Variants in SCARA5 observed in about 807,000 individuals in gnomAD.
SCARA5 encodes the protein scavenger receptor class A, member 5 (putative).
In SCARA5, 45 loss-of-function variants were observed where a neutral mutation model predicts 46.3. That is an observed-to-expected ratio of 0.97 (90% confidence interval 0.76 to 1.24). The LOEUF (loss-of-function observed/expected upper bound fraction) is 1.24. SCARA5 is among the 50% of genes most tolerant of loss of function. SCARA5 has a pLI of 0.00. For synonymous variants in SCARA5, 333 were observed against 306.5 expected (o/e 1.09, Z -0.90); for missense variants, 680 against 689.0 (o/e 0.99, Z 0.15).
At chr8:27,921,266 T>C (rs1325547947) in intron 4 of SCARA5, among the ~76,000 whole-genome samples, 1 of 152,170 alleles carries the variant, frequency 6.6e-6, no homozygotes, top group Non-Finnish European at 1.5e-5. Context: ...ACCACCAGGC[T>C]CCCATTAGCC....
intron 7 of SCARA5, chr8:27,886,045 C>T (rs1331080325): frequency 6.5e-6 from 1 of 154,726 alleles, no homozygotes; most frequent in Non-Finnish European, 1.5e-5. Flanking sequence ...TGCAGGGCTC[C>T]TATGGTCTCC....
chr8:27,985,984 G>A (rs1808699717), intron 2 of SCARA5, among the ~76,000 whole-genome samples: 2 of 152,218 alleles, frequency 1.3e-5, no homozygotes, highest in Admixed American at 6.5e-5. Context: ...TGGGTATGGT[G>A]GTCCCAGGGA....
chr8:27,925,571 C>T (rs1434761869), intron 3 of SCARA5, among the ~76,000 whole-genome samples: 3 of 152,144 alleles, frequency 2.0e-5, no homozygotes, highest in Non-Finnish European at 4.4e-5. Context: ...AGGACATAGG[C>T]ATGGGCAAGG....
At chr8:27,966,371 T>C in intron 3 of SCARA5, 43 bp downstream of exon 3, 1 of 1,555,016 alleles carries the variant, frequency 6.4e-7, no homozygotes, top group Non-Finnish European at 8.7e-7. Flanking sequence ...CAGGTCTTCC[T>C]TCCTCATCCC....
chr8:27,922,651 A>G (rs1021493901), intron 3 of SCARA5, among the ~76,000 whole-genome samples: 15 of 152,232 alleles, frequency 9.9e-5, no homozygotes, highest in Non-Finnish European at 1.2e-4. Flanking sequence ...AAGCAGTTGC[A>G]TATCAGCAGT....
chr8:27,905,523 T>TGGCGGTGGGGGG (rs751627046), intron 6 of SCARA5, among the ~76,000 whole-genome samples: 1 of 53,638 alleles, frequency 1.9e-5, no homozygotes, highest in Non-Finnish European at 5.1e-5. Context: ...ATCCAAGATT[T>TGGCGGTGGGGGG]GGGGGGGGGA....
In SCARA5 at chr8:27,904,453, C is replaced by A. The variant is rs1807217756; in HGVS notation, c.1153+325G>T. ...TCACAATGACCTTATAAGGTAAAGA[C>A]TCCTGTTATCCCTATTTTATAGATG... is the stretch of plus-strand genomic sequence containing the variant. On this transcript the variant is annotated intron_variant, in intron 7 of 8. Transcript: ENST00000354914. The A allele has an allele frequency of 1.4e-5, 7 of 501,100 alleles. No homozygotes were observed. In the Middle Eastern group the frequency reaches 1.5e-3, roughly 109 times the overall value. The allele number at this position is 501,100 out of a possible 1,614,324, so 31.0% of individuals were successfully genotyped here.
intron 6 of SCARA5, among the ~76,000 whole-genome samples, chr8:27,905,377 C>T (rs963506811): frequency 2.6e-5 from 4 of 152,074 alleles, no homozygotes; most frequent in African/African-American, 9.7e-5. Flanking sequence ...CCTGGCACCA[C>T]TCACTGGACA....
At chr8:27,889,668 T>G (rs1036228464) in intron 7 of SCARA5, among the ~76,000 whole-genome samples, 13 of 152,228 alleles carry the variant, frequency 8.5e-5, no homozygotes, top group Middle Eastern at 3.2e-3. Flanking sequence ...AAACAATTAC[T>G]TTAACCCTGG....
intron 7 of SCARA5, among the ~76,000 whole-genome samples, chr8:27,882,243 G>A (rs1319366613): frequency 6.6e-6 from 1 of 152,164 alleles, no homozygotes; most frequent in Non-Finnish European, 1.5e-5. Flanking sequence ...TTTTAGGACT[G>A]AATGGTATTC....
intron 3 of SCARA5, among the ~76,000 whole-genome samples, chr8:27,949,568 A>G (rs1808090543): frequency 6.6e-6 from 1 of 152,242 alleles, no homozygotes; most frequent in South Asian, 2.1e-4. Context: ...TGAGTAGCTC[A>G]GGAATCAGGC....
At position 27,920,490 on chromosome 8, in the gene SCARA5, T is replaced by C. The variant is rs574331510; in HGVS notation, c.916+1081A>G. Reference sequence around the variant, plus strand: ...TTAGCCAGGAGTGGTGGCACACACCTGTAATCCTAGCTACTCAGAAGTCTG... The same window carrying C: ...TTAGCCAGGAGTGGTGGCACACACCCGTAATCCTAGCTACTCAGAAGTCTG... On this transcript the variant is annotated intron_variant, in intron 4 of 8. Transcript: ENST00000354914. Among the ~76,000 whole-genome samples, 27 of 151,826 alleles carry C rather than the reference T, an allele frequency of 1.8e-4. 1 individual carries two copies. Among genetic ancestry groups the C allele is most frequent in the African/African-American group, 6.0e-4 (25 of 41,390 alleles).
chr8:27,984,557 C>T (rs1335806526), intron 2 of SCARA5, among the ~76,000 whole-genome samples: 1 of 152,000 alleles, frequency 6.6e-6, no homozygotes, highest in African/African-American at 2.4e-5. Context: ...TCCATCCATT[C>T]ATTCACCCAT....
At chr8:27,987,072 G>A (rs1808716171) in intron 2 of SCARA5, among the ~76,000 whole-genome samples, 1 of 152,236 alleles carries the variant, frequency 6.6e-6, no homozygotes, top group South Asian at 2.1e-4. Flanking sequence ...CCCAGGGGCA[G>A]GATGAGCACC....
chr8:27,883,451 C>T (rs1200401675), intron 7 of SCARA5, among the ~76,000 whole-genome samples: 1 of 152,224 alleles, frequency 6.6e-6, no homozygotes, highest in Non-Finnish European at 1.5e-5. Context: ...TGAGCATCCT[C>T]ACTTGATAAG....
At chr8:27,977,527 C>G (rs1484626432) in intron 2 of SCARA5, among the ~76,000 whole-genome samples, 1 of 152,238 alleles carries the variant, frequency 6.6e-6, no homozygotes, top group African/African-American at 2.4e-5. Context: ...GCCTGCCTAA[C>G]CTTTCCCATG....
At chr8:27,889,195 G>A (rs1806944475) in intron 7 of SCARA5, among the ~76,000 whole-genome samples, 1 of 152,232 alleles carries the variant, frequency 6.6e-6, no homozygotes, top group East Asian at 1.9e-4. Context: ...TCATGGAGAA[G>A]ATCAAGGCAT....
At chr8:27,885,182 G>C (rs1806875131) in intron 7 of SCARA5, among the ~76,000 whole-genome samples, 2 of 152,184 alleles carry the variant, frequency 1.3e-5, no homozygotes, top group South Asian at 4.1e-4. Context: ...ACAAGGAAGA[G>C]GGTGGGGAGT....
At chr8:27,903,459 T>C (rs1288767144) in intron 7 of SCARA5, 2 of 152,206 alleles carry the variant, frequency 1.3e-5, no homozygotes, top group Admixed American at 6.5e-5. Context: ...TAATTAATAA[T>C]TTTTATTAGC....
Sources: gnomAD v4.1 joint callset for allele counts (sites outside exome capture counted in the v4.1 genomes callset) on GRCh38, gnomAD v4.1.1 for gene constraint, MANE v1.5 for transcripts, NCBI Gene and HGNC (gene_info 2026-07-23, HGNC 2026-07-21) for gene names.